CLDN14: variants seen among roughly 807,000 people sequenced by gnomAD.
CLDN14 encodes the protein claudin 14, also known as claudin-14.
Under a neutral mutation model 2.1 loss-of-function variants are expected in CLDN14, and 2 were observed. That is an observed-to-expected ratio of 0.96 (90% CI 0.39 to 3.01). The LOEUF (loss-of-function observed/expected upper bound fraction) is 3.01. Ranked by LOEUF, CLDN14 falls within the 30% of genes most tolerant of loss-of-function variation. The pLI, the probability that CLDN14 is intolerant of heterozygous loss-of-function variation, is 0.09. For synonymous variants in CLDN14, 136 were observed against 154.4 expected (o/e 0.88, Z 0.88); for missense variants, 298 against 328.0 (o/e 0.91, Z 0.71).
chr21:36,539,421 G>GGAGTGTGTGTGTGGAAT (rs2087461678), intron 1 of CLDN14, among the ~76,000 whole-genome samples: 1 of 148,204 alleles, frequency 6.7e-6, no homozygotes, highest in African/African-American at 2.5e-5. Flanking sequence ...GAGTGACTGT[G>GGAGTGTGTGTGTGGAAT]GAGTGTGTGT....
intron 1 of CLDN14, among the ~76,000 whole-genome samples, chr21:36,548,133 C>A (rs1225458595): frequency 6.6e-6 from 1 of 152,100 alleles, no homozygotes; most frequent in Non-Finnish European, 1.5e-5. Context: ...CCACCAGGCA[C>A]ACCCTCTGTC....
chr21:36,510,314 G>A (rs1191127346), intron 2 of CLDN14: 1 of 152,230 alleles, frequency 6.6e-6, no homozygotes, highest in East Asian at 1.9e-4. Context: ...CAGATTTTAA[G>A]TAATTGATCC....
intron 1 of CLDN14, among the ~76,000 whole-genome samples, chr21:36,529,277 T>TA (rs201806422): frequency 8.8e-4 from 133 of 151,760 alleles, no homozygotes; most frequent in African/African-American, 2.6e-3. Flanking sequence ...CCTGTGCAGG[T>TA]AAAAAAAACC....
rs763692550 is a variant in CLDN14 at position 36,461,468 on chromosome 21, G to A, written c.228C>T (p.Asp76=). Residue 76 remains aspartate (D), a synonymous_variant, in exon 2 of 2, where the codon GAC becomes GAT. Coordinates refer to ENST00000399135, the MANE Select transcript of CLDN14 (RefSeq NM_001146079.2). ...IYRSLLALPQ[D]LQAARALMVI... is the part of the protein sequence containing the mutation. ...CCATGAGGGCGCGGGCAGCCTGGAG[G>A]TCTTGGGGCAGCGCCAGCAGGGATC... The A allele has an allele frequency of 6.2e-7, 1 of 1,613,438 alleles. No individual in the cohort carries two copies. The highest frequency in any genetic ancestry group is 8.5e-7 in the Non-Finnish European group (1 of 1,179,994).
chr21:36,531,347 C>T (rs940001061), intron 1 of CLDN14, among the ~76,000 whole-genome samples: 1 of 151,018 alleles, frequency 6.6e-6, no homozygotes, highest in Non-Finnish European at 1.5e-5. Flanking sequence ...TGCAGTGGCA[C>T]CATCTTGGCT....
chr21:36,471,461 G>A (rs1038070376), intron 1 of CLDN14, among the ~76,000 whole-genome samples: 3 of 152,198 alleles, frequency 2.0e-5, no homozygotes, highest in African/African-American at 4.8e-5. Flanking sequence ...GGGGGCTCAT[G>A]TCTCCAGCTT....
intron 1 of CLDN14, among the ~76,000 whole-genome samples, chr21:36,472,460 G>T (rs2086721607): frequency 6.6e-6 from 1 of 152,182 alleles, no homozygotes; most frequent in South Asian, 2.1e-4. Flanking sequence ...ACTTGGCTGG[G>T]CCATGGGGTG....
intron 1 of CLDN14, among the ~76,000 whole-genome samples, chr21:36,537,909 A>G (rs888524104): frequency 6.6e-6 from 1 of 152,018 alleles, no homozygotes; most frequent in African/African-American, 2.4e-5. Context: ...CAGCCTCCCA[A>G]GGTGCTGGGA....
chr21:36,464,290 A>G (rs778501458), intron 1 of CLDN14, among the ~76,000 whole-genome samples: 3 of 152,302 alleles, frequency 2.0e-5, no homozygotes, highest in Middle Eastern at 3.4e-3. Context: ...TGTGAGAGCC[A>G]ATGAAACCTC....
intron 2 of CLDN14, among the ~76,000 whole-genome samples, chr21:36,506,433 C>T (rs183570865): frequency 2.6e-5 from 4 of 152,036 alleles, no homozygotes; most frequent in East Asian, 3.9e-4. Flanking sequence ...CCCATCTGTA[C>T]TAAAAATACA....
At chr21:36,524,715 C>A (rs967037430) in intron 1 of CLDN14, among the ~76,000 whole-genome samples, 1 of 152,172 alleles carries the variant, frequency 6.6e-6, no homozygotes, top group Non-Finnish European at 1.5e-5. Context: ...TCAGAGACAG[C>A]CACTGGCCAC....
intron 1 of CLDN14, among the ~76,000 whole-genome samples, chr21:36,469,596 T>C (rs1196163723): frequency 6.6e-6 from 1 of 152,206 alleles, no homozygotes; most frequent in Non-Finnish European, 1.5e-5. Context: ...TAAAAATCTA[T>C]TTTTTTATAA....
intron 1 of CLDN14, among the ~76,000 whole-genome samples, chr21:36,539,762 G>A (rs1344373185): frequency 6.7e-6 from 1 of 150,258 alleles, no homozygotes; most frequent in Non-Finnish European, 1.5e-5. Context: ...TATGTCTGCA[G>A]AGTGTGTATG....
At chr21:36,470,601 C>G (rs1316755313) in intron 1 of CLDN14, among the ~76,000 whole-genome samples, 1 of 152,204 alleles carries the variant, frequency 6.6e-6, no homozygotes, top group Non-Finnish European at 1.5e-5. Context: ...TTCAGGCCTC[C>G]CAGGTTGTGG....
intron 1 of CLDN14, among the ~76,000 whole-genome samples, chr21:36,462,654 G>T (rs1007243746): frequency 6.6e-6 from 1 of 152,094 alleles, no homozygotes; most frequent in African/African-American, 2.4e-5. Flanking sequence ...TAAGGGCCAG[G>T]CACGGTGGTT....
intron 1 of CLDN14, among the ~76,000 whole-genome samples, chr21:36,543,566 G>A (rs895402836): frequency 3.7e-4 from 56 of 152,114 alleles, no homozygotes; most frequent in African/African-American, 1.4e-3. Flanking sequence ...CTCATGTTCT[G>A]GGCACTATAA....
rs560555150 is a variant in CLDN14, at chr21:36,549,398, T to A, written c.-220+27013A>T. ...TGCAAAATGAGAAAGATGTATTTGG[T>A]GTTGAAAAGGAAATTGATGAGGAGA... On this transcript the variant is annotated intron_variant, in intron 1 of 2. Coordinates refer to the CLDN14 transcript ENST00000342108. Among the ~76,000 whole-genome samples the A allele has an allele frequency of 1.4e-4, 21 of 151,932 alleles. No individual in the cohort carries two copies. In the South Asian group the frequency reaches 4.2e-3, roughly 30 times the overall value.
At position 36,498,215 on chromosome 21, in the gene CLDN14, G is replaced by T. The variant is rs1200452969; in HGVS notation, c.-82+12148C>A. On this transcript the variant is annotated intron_variant, in intron 2 of 2. Coordinates refer to the CLDN14 transcript ENST00000342108. This position sits in a 1 kb window ranked among gnomAD's most constrained non-coding sequence, Gnocchi z 4.9. ...GGGGTTTTGCCATATTGGCCAGGCTGGTGTCGAACTCCTGACCTCAGGCGG... is the reference window on the plus strand; with the variant it reads ...GGGGTTTTGCCATATTGGCCAGGCTTGTGTCGAACTCCTGACCTCAGGCGG... 6.6e-6 allele frequency among the ~76,000 whole-genome samples: 1 copy of T among 152,132 alleles called. No homozygotes were observed. Among genetic ancestry groups the T allele is most frequent in the Non-Finnish European group, 1.5e-5 (1 of 68,026 alleles).
At chr21:36,546,571 C>T (rs1374220521) in intron 1 of CLDN14, among the ~76,000 whole-genome samples, 1 of 152,146 alleles carries the variant, frequency 6.6e-6, no homozygotes, top group Non-Finnish European at 1.5e-5. Flanking sequence ...CCTTCTTTCC[C>T]CTCTGTTGAA....
Sources: allele counts gnomAD v4.1 joint callset (sites outside exome capture counted in the v4.1 genomes callset), GRCh38; gene constraint gnomAD v4.1.1; non-coding constraint Gnocchi (gnomAD v3.1); transcripts MANE v1.5; gene names NCBI Gene and HGNC (gene_info 2026-07-23, HGNC 2026-07-21).